TBC1D9B: variants seen among roughly 807,000 people sequenced by gnomAD.
TBC1D9B encodes the protein TBC1 domain family, member 9B (with GRAM domain).
A neutral mutation model predicts 121.1 loss-of-function variants in TBC1D9B; 87 were observed. That is an observed-to-expected ratio of 0.72 (90% confidence interval 0.60 to 0.86). The LOEUF (loss-of-function observed/expected upper bound fraction) is 0.86. Ranked by LOEUF, TBC1D9B falls within the 40% of genes least tolerant of loss-of-function variation. TBC1D9B has a pLI of 0.00. For synonymous variants in TBC1D9B, 668 were observed against 670.1 expected (o/e 1.00, Z 0.05); for missense variants, 1,540 against 1,628.6 (o/e 0.95, Z 0.94).
At chr5:179,884,358 T>C (rs903355956) in intron 7 of TBC1D9B, 2 of 152,204 alleles carry the variant, frequency 1.3e-5, no homozygotes, top group East Asian at 1.9e-4. Context: ...CTTCCCGCCA[T>C]TGCCTCAGCA....
intron 3 of TBC1D9B, among the ~76,000 whole-genome samples, chr5:179,895,548 T>C (rs1238280340): frequency 6.6e-6 from 1 of 152,214 alleles, no homozygotes; most frequent in African/African-American, 2.4e-5. Context: ...TCCCTCATGC[T>C]GCTGGCATTG....
In TBC1D9B at chr5:179,904,386, A is replaced by G. The variant is rs560922473; in HGVS notation, c.229+316T>C. On this transcript the variant is annotated intron_variant, in intron 2 of 20. Transcript: ENST00000355235. This position sits in a 1 kb window ranked among gnomAD's most constrained non-coding sequence, Gnocchi z 4.2. ...ACTACAGGCCTCCGCCACCACCCCCAGCTAATTTTTTGTGTTTTTTAGTAG... is the reference window on the plus strand; with the variant it reads ...ACTACAGGCCTCCGCCACCACCCCCGGCTAATTTTTTGTGTTTTTTAGTAG... Among the ~76,000 whole-genome samples the G allele has an allele frequency of 7.8e-3, 1,180 of 151,260 alleles. 12 individuals are homozygous for G. Among genetic ancestry groups the G allele is most frequent in the African/African-American group, 0.027 (1,124 of 41,086 alleles).
chr5:179,873,506 G>T (rs962901814), intron 12 of TBC1D9B, among the ~76,000 whole-genome samples: 1 of 152,188 alleles, frequency 6.6e-6, no homozygotes, highest in African/African-American at 2.4e-5. Flanking sequence ...CTTAGTCAGT[G>T]GGGGGGTCCC....
intron 7 of TBC1D9B, 92 bp from the exon 8 acceptor site, chr5:179,879,881 C>A (rs1306512039): frequency 7.0e-7 from 1 of 1,425,720 alleles, no homozygotes; most frequent in African/African-American, 1.4e-5. Flanking sequence ...GATCGGGGCC[C>A]GGTGCAAGAA....
intron 1 of TBC1D9B, among the ~76,000 whole-genome samples, chr5:179,906,542 C>T (rs1013801777): frequency 4.6e-5 from 7 of 152,230 alleles, no homozygotes; most frequent in Non-Finnish European, 8.8e-5. Context: ...GAAAAGGTGC[C>T]GGTCCCTCGC....
At chr5:179,866,664 C>T (rs1760021850) in intron 18 of TBC1D9B, 1 of 152,336 alleles carries the variant, frequency 6.6e-6, no homozygotes, top group Admixed American at 6.5e-5. Context: ...CTCCCAGAAG[C>T]ATGCGGGACA....
At chr5:179,872,853 CCCAGCCCAGCCCCT>C in intron 14 of TBC1D9B, 25 bp downstream of exon 14, 1 of 1,527,156 alleles carries the variant, frequency 6.5e-7, no homozygotes, top group Non-Finnish European at 9.0e-7. Flanking sequence ...CTGCTGCCCC[CCCAGCCCAGCCCCT>C]GCCCAGCCCT....
intron 10 of TBC1D9B, among the ~76,000 whole-genome samples, chr5:179,877,070 C>CAAAAAAAAAA (rs58537646): frequency 2.9e-5 from 1 of 34,126 alleles, no homozygotes; most frequent in African/African-American, 9.6e-5. Flanking sequence ...GATCCTGTCT[C>CAAAAAAAAAA]AAAAAAAAAA....
chr5:179,906,216 A>G (rs934952743), intron 1 of TBC1D9B, among the ~76,000 whole-genome samples: 1 of 152,252 alleles, frequency 6.6e-6, no homozygotes, highest in African/African-American at 2.4e-5. Context: ...CACGATGCCC[A>G]TGATGGCACA....
At position 179,863,948 on chromosome 5, in the gene TBC1D9B, C is replaced by T. The variant is rs372299714; in HGVS notation, c.3202G>A (p.Glu1068Lys). Residue 1068 changes from glutamate (E) to lysine (K), a missense_variant, in exon 21 of 21, where the codon GAG becomes AAG. Coordinates refer to ENST00000355235, the MANE Select transcript of TBC1D9B (RefSeq NM_015043.4). This position sits in a 1 kb window ranked among gnomAD's most constrained non-coding sequence, Gnocchi z 4.5. ...KPRDCATEEDEPPAPELHQDA... is the reference protein window; with the variant it reads ...KPRDCATEEDKPPAPELHQDA... ...TGATGCAGTTCGGGTGCTGGTGGCT[C>T]GTCCTCCTCAGTGGCACAGTCCCTG... The T allele has an allele frequency of 3.2e-5, 51 of 1,613,684 alleles. No homozygotes were observed. Among genetic ancestry groups the T allele is most frequent in the Middle Eastern group, 1.6e-4 (1 of 6,084 alleles).
In TBC1D9B at chr5:179,899,189, G is replaced by T; in HGVS notation, c.348C>A (p.His116Gln). The change falls in exon 3 of 21, where the codon CAC becomes CAA. Residue 116 changes from histidine (H) to glutamine (Q), a missense_variant and splice_region_variant. Coordinates refer to ENST00000355235, the MANE Select transcript of TBC1D9B (RefSeq NM_015043.4). ...DITTFVKGKI[H>Q]GIIAEENKNL... Reference sequence around the variant, plus strand: ...ACAGAGAGTGGCGGGTAAACCTTACGTGTATCTTGCCCTTGACGAAGGTGG... The same window carrying T: ...ACAGAGAGTGGCGGGTAAACCTTACTTGTATCTTGCCCTTGACGAAGGTGG... The T allele has an allele frequency of 1.9e-6, 3 of 1,603,016 alleles. No homozygotes were observed. Among genetic ancestry groups the T allele is most frequent in the Non-Finnish European group, 2.6e-6 (3 of 1,173,660 alleles).
At chr5:179,879,488 C>T (rs1037144479) in intron 8 of TBC1D9B, 140 bp downstream of exon 8, 3 of 1,350,216 alleles carry the variant, frequency 2.2e-6, no homozygotes, top group Non-Finnish European at 3.1e-6. Context: ...TCTCACGCTG[C>T]CAGGGTGCAG....
chr5:179,903,651 T>C lies in TBC1D9B; in HGVS notation c.229+1051A>G, dbSNP rs142871419. 2.6e-3 allele frequency among the ~76,000 whole-genome samples: 391 copies of C among 152,306 alleles called. 1 individual carries two copies. The highest frequency in any genetic ancestry group is 8.0e-3 in the African/African-American group (331 of 41,574). On this transcript the variant is annotated intron_variant, in intron 2 of 20. Transcript: ENST00000355235. ...TTATTTAATACGTATTCCTGATCGA[T>C]TGGCATTGAGCTCACGGCCAGCAGC...
intron 2 of TBC1D9B, among the ~76,000 whole-genome samples, chr5:179,900,515 T>C (rs1012387840): frequency 3.9e-5 from 6 of 152,084 alleles, no homozygotes; most frequent in African/African-American, 1.4e-4. Flanking sequence ...AGATTCTCGT[T>C]ATTCAGGTGG....
chr5:179,894,156 G>A (rs766331906), intron 4 of TBC1D9B, among the ~76,000 whole-genome samples: 3 of 152,182 alleles, frequency 2.0e-5, no homozygotes, highest in Admixed American at 1.3e-4. Context: ...GCAGGCACGC[G>A]GAGTCACCAT....
rs1456878460 is a variant in TBC1D9B at position 179,878,408 on chromosome 5, C to A, written c.1683G>T (p.Met561Ile). 6.2e-7 allele frequency: 1 copy of A among 1,613,596 alleles called. No homozygotes were observed. The highest frequency in any genetic ancestry group is 1.3e-5 in the African/African-American group (1 of 74,932). ...CGTTCTGGAAGGCAGGGTGCTCGGG[C>A]ATGGAGCGGTGCAGGTCTCGCTCGA... The part of the protein sequence containing the change: ...EEIERDLHRS[M>I]PEHPAFQNEL... The change falls in exon 10 of 21, where the codon ATG becomes ATT. Residue 561 changes from methionine (M) to isoleucine (I), a missense_variant. Met to Ile is a conservative substitution (Grantham distance 10). Transcript: ENST00000355235.
At chr5:179,876,141 T>A (rs775202649) in intron 10 of TBC1D9B, 104 bp from the exon 11 acceptor site, 4 of 780,712 alleles carry the variant, frequency 5.1e-6, no homozygotes, top group Non-Finnish European at 8.0e-6. Flanking sequence ...AGGGCCCACA[T>A]GATCTTCTTT....
Position 179,870,299 on chromosome 5 carries a change from T to A in TBC1D9B, c.2681A>T (p.Asn894Ile), listed in dbSNP as rs750859598. Residue 894 changes from asparagine to isoleucine, a missense_variant, in exon 16 of 21, where the codon AAC (asparagine) becomes ATC (isoleucine). Asn to Ile is a moderately radical substitution (Grantham distance 149). Transcript: ENST00000355235. ...AGRMFRLLDE[N>I]KDSLINFKEF... is the part of the protein sequence containing the mutation. ...CTTGAAGTTGATCAGCGAGTCCTTG[T>A]TTTCGTCCAGGAGCCTGAACATGCG... 6.2e-7 allele frequency: 1 copy of A among 1,613,870 alleles called. No homozygotes were observed. Among genetic ancestry groups the A allele is most frequent in the African/African-American group, 1.3e-5 (1 of 75,030 alleles).
chr5:179,878,962 C>A, intron 9 of TBC1D9B, 85 bp downstream of exon 9: 2 of 1,495,096 alleles, frequency 1.3e-6, no homozygotes, highest in Non-Finnish European at 8.9e-7. Flanking sequence ...AACTCCAGGC[C>A]GGCTCAGGAC....
Sources: gnomAD v4.1 joint callset for allele counts (sites outside exome capture counted in the v4.1 genomes callset) on GRCh38, gnomAD v4.1.1 for gene constraint, Gnocchi (gnomAD v3.1) non-coding constraint, MANE v1.5 for transcripts, NCBI Gene and HGNC (gene_info 2026-07-23, HGNC 2026-07-21) for gene names.